Variants in NPHP4 observed in about 807,000 individuals in gnomAD.
NPHP4 encodes nephrocystin 4.
NPHP4 carries 151 observed loss-of-function variants against 155.8 expected under a neutral mutation model. That is an observed-to-expected ratio of 0.97 (90% CI 0.85 to 1.11). The LOEUF (loss-of-function observed/expected upper bound fraction) is 1.11. NPHP4 is among the 50% of genes least tolerant of loss of function. NPHP4 has a pLI of 0.00. For missense variants in NPHP4, 1,956 were observed against 1,925.7 expected, an observed-to-expected ratio of 1.02 and a Z score of -0.29; for synonymous variants, 845 against 816.8, an observed-to-expected ratio of 1.03 and a Z score of -0.59.
rs1174446443 is a variant in NPHP4 at position 5,910,681 on chromosome 1, AAAC to A, written c.1442-1471_1442-1469del. Among the ~76,000 whole-genome samples the A allele has an allele frequency of 1.3e-5, 2 of 152,188 alleles. No homozygotes were observed. Among genetic ancestry groups the A allele is most frequent in the Admixed American group, 6.5e-5 (1 of 15,272 alleles). ...TCCGCTCTGAATCCCAAAAAAACAA[AAAC>A]AACAAGGAAAATGCTGTCGACCAAG... On this transcript the variant is annotated intron_variant, in intron 11 of 29. Coordinates refer to ENST00000378156, the MANE Select transcript of NPHP4 (RefSeq NM_015102.5). The surrounding 1 kb of genome is among the most constrained non-coding windows in gnomAD (Gnocchi z 5.4).
intron 2 of NPHP4, among the ~76,000 whole-genome samples, chr1:5,984,663 T>C (rs192138009): frequency 8.5e-4 from 130 of 152,362 alleles, no homozygotes; most frequent in Admixed American, 8.1e-3. Context: ...GAAAACACAC[T>C]GTATCTAGGG....
chr1:5,867,085 G>C lies in NPHP4; in HGVS notation c.3503C>G (p.Pro1168Arg), dbSNP rs776487293. The C allele has an allele frequency of 3.7e-6, 6 of 1,612,962 alleles. No homozygotes were observed. The highest frequency in any genetic ancestry group is 5.1e-6 in the Non-Finnish European group (6 of 1,179,510). Residue 1168 changes from proline to arginine, a missense_variant, in exon 25 of 30, where the codon CCC (proline) becomes CGC (arginine). Physicochemically the swap from Pro to Arg is moderately radical, Grantham distance 103. Transcript: ENST00000378156. This position sits in a 1 kb window ranked among gnomAD's most constrained non-coding sequence, Gnocchi z 4.1. ...GAPVGMLGEDPPVHVRCSDPN... is the reference protein window; with the variant it reads ...GAPVGMLGEDRPVHVRCSDPN... ...GTCGCTGCAGCGAACATGGACTGGG[G>C]GGTCCTCACCAAGCATTCCCACCGG... is the stretch of plus-strand genomic sequence containing the variant.
At chr1:5,964,917 T>TAATACATATATATATATA (rs1553194702) in intron 5 of NPHP4, among the ~76,000 whole-genome samples, 2 of 82,628 alleles carry the variant, frequency 2.4e-5, no homozygotes, top group Non-Finnish European at 4.2e-5. Flanking sequence ...TACATATATA[T>TAATACATATATATATATA]TATATATATA....
At chr1:5,881,776 T>G (rs1643306162) in intron 18 of NPHP4, 1 of 152,290 alleles carries the variant, frequency 6.6e-6, no homozygotes. Context: ...GAGTGCTCTC[T>G]CCGGATCTCA....
At chr1:5,989,348 T>G (rs576945283) in intron 1 of NPHP4, among the ~76,000 whole-genome samples, 1 of 152,208 alleles carries the variant, frequency 6.6e-6, no homozygotes, top group African/African-American at 2.4e-5. Flanking sequence ...CCACGACTTA[T>G]AAGCAGAAGA....
intron 1 of NPHP4, among the ~76,000 whole-genome samples, chr1:5,991,095 G>C (rs953203254): frequency 1.6e-4 from 24 of 151,628 alleles, no homozygotes; most frequent in African/African-American, 4.9e-4. Flanking sequence ...GTCAGGGTCC[G>C]GGAAGCCTCC....
At chr1:5,938,581 T>TA (rs1646666612) in intron 9 of NPHP4, among the ~76,000 whole-genome samples, 1 of 152,236 alleles carries the variant, frequency 6.6e-6, no homozygotes, top group Admixed American at 6.5e-5. Context: ...CACAGGCAGT[T>TA]AAAGTCATCT....
At chr1:5,936,599 AAATACACAAAAGACAAAATACAC>A (rs1270721690) in intron 9 of NPHP4, among the ~76,000 whole-genome samples, 1 of 152,260 alleles carries the variant, frequency 6.6e-6, no homozygotes, top group Non-Finnish European at 1.5e-5. Flanking sequence ...ACACAAGTAC[AAATACACAAAAGACAAAATACAC>A]AATACACAAA....
chr1:5,888,856 C>T (rs1643960669), intron 17 of NPHP4, among the ~76,000 whole-genome samples: 1 of 152,220 alleles, frequency 6.6e-6, no homozygotes, highest in Non-Finnish European at 1.5e-5. Context: ...GCCTGCGGCC[C>T]TCACGGTGGC....
chr1:5,917,010 C>T (rs1222339437), intron 11 of NPHP4, among the ~76,000 whole-genome samples: 2 of 152,210 alleles, frequency 1.3e-5, no homozygotes, highest in East Asian at 3.8e-4. Context: ...GCAGCCAAAG[C>T]GGCAGTGGCA....
At chr1:5,964,124 T>C (rs1045323767) in intron 5 of NPHP4, among the ~76,000 whole-genome samples, 1 of 152,166 alleles carries the variant, frequency 6.6e-6, no homozygotes, top group Non-Finnish European at 1.5e-5. Flanking sequence ...AACATTCTTC[T>C]AGACAAATTG....
chr1:5,970,787 G>T (rs984056465), intron 3 of NPHP4, among the ~76,000 whole-genome samples: 2 of 152,082 alleles, frequency 1.3e-5, no homozygotes, highest in African/African-American at 4.8e-5. Context: ...GTGTCACCGA[G>T]AAAACGTTTA....
intron 16 of NPHP4, among the ~76,000 whole-genome samples, chr1:5,893,129 A>C (rs1644221429): frequency 6.6e-6 from 1 of 152,200 alleles, no homozygotes; most frequent in African/African-American, 2.4e-5. Flanking sequence ...GTGTATTTGG[A>C]ACATTAATAA....
chr1:5,879,641 C>T (rs568610451), intron 19 of NPHP4: 6 of 518,216 alleles, frequency 1.2e-5, no homozygotes, highest in South Asian at 2.8e-5. Context: ...GCCTAGAGCA[C>T]CAGGGTGTGA....
chr1:5,928,505 C>G (rs1460060825), intron 10 of NPHP4, among the ~76,000 whole-genome samples: 2 of 152,182 alleles, frequency 1.3e-5, no homozygotes, highest in African/African-American at 4.8e-5. Context: ...TATAAACAGA[C>G]CTGCTACAAA....
chr1:5,864,599 C>G, intron 27 of NPHP4, 82 bp from the exon 28 acceptor site: 3 of 1,318,030 alleles, frequency 2.3e-6, no homozygotes, highest in Non-Finnish European at 3.1e-6. Flanking sequence ...GCAGCCCAAT[C>G]AGCCAGGGGA....
At chr1:5,927,165 C>G (rs1570473107) in intron 11 of NPHP4, among the ~76,000 whole-genome samples, 1 of 152,260 alleles carries the variant, frequency 6.6e-6, no homozygotes, top group Non-Finnish European at 1.5e-5. Flanking sequence ...AGGGCCAGGA[C>G]TCTACCTCTG....
Position 5,874,596 on chromosome 1 carries a change from C to A in NPHP4, c.3106G>T (p.Val1036Leu), listed in dbSNP as rs1297137772. 1 of 1,611,564 alleles carries A rather than the reference C, an allele frequency of 6.2e-7. No homozygotes were observed. Among genetic ancestry groups the A allele is most frequent in the Non-Finnish European group, 8.5e-7 (1 of 1,179,318 alleles). The change falls in exon 22 of 30, where the codon GTG becomes TTG. Residue 1036 changes from valine (V) to leucine (L), a missense_variant. Transcript: ENST00000378156. ...FKGAAGLHTP[V>L]EEDMFHLRGS... ...CGCAGGTGGAACATGTCCTCCTCCA[C>A]CGGTGTGTGCAGGCCAGCAGCACCC...
At chr1:5,869,020 CAT>C (rs1491064668) in intron 23 of NPHP4, among the ~76,000 whole-genome samples, 4 of 133,700 alleles carry the variant, frequency 3.0e-5, no homozygotes, top group Non-Finnish European at 3.2e-5. Context: ...TACACACACA[CAT>C]GCACACACAT....
Sources: allele counts gnomAD v4.1 joint callset (sites outside exome capture counted in the v4.1 genomes callset), GRCh38; gene constraint gnomAD v4.1.1; non-coding constraint Gnocchi (gnomAD v3.1); transcripts MANE v1.5; gene names NCBI Gene and HGNC (gene_info 2026-07-23, HGNC 2026-07-21).